The following PCDHA6 variants were observed in gnomAD, a reference collection of about 807,000 sequenced individuals.
PCDHA6 encodes protocadherin alpha 6.
In PCDHA6, 55 loss-of-function variants were observed where a neutral mutation model predicts 60.3. That is an observed-to-expected ratio of 0.91 (90% CI 0.73 to 1.14). The LOEUF is 1.14. PCDHA6 is among the 50% of genes most tolerant of loss of function. PCDHA6 has a pLI of 0.00. For missense variants in PCDHA6, 1,327 were observed against 1,256.5 expected (o/e 1.06, Z -0.85); for synonymous variants, 652 against 557.9 (o/e 1.17, Z -2.38).
chr5:140,871,710 C>T (rs1306052156), intron 1 of PCDHA6: 4 of 826,486 alleles, frequency 4.8e-6, no homozygotes, highest in East Asian at 2.8e-5. Flanking sequence ...AATAAATGTC[C>T]TATTTCTCTT....
In PCDHA6 at chr5:140,857,166, T is replaced by A. The variant is rs1554149611; in HGVS notation, c.2394+26681T>A. ...GGCACCGTCATTGCCCTAATCAGCG[T>A]TTCTGACCATGATTCAGGAGCCAAC... On this transcript the variant is annotated intron_variant, in intron 1 of 3. Transcript: ENST00000529310. 3.1e-6 allele frequency: 5 copies of A among 1,598,172 alleles called. No homozygotes were observed. The African/African-American group carries it at 5.4e-5, about 17-fold the overall frequency.
intron 3 of PCDHA6, among the ~76,000 whole-genome samples, chr5:141,000,226 G>A (rs2097897321): frequency 6.6e-6 from 1 of 151,546 alleles, no homozygotes; most frequent in Non-Finnish European, 1.5e-5. Context: ...TGCCTGTGTG[G>A]AGCTGAATGT....
rs192014288 is a variant in PCDHA6, at chr5:140,938,120, T to A, written c.2395-40829T>A. Among the ~76,000 whole-genome samples the A allele has an allele frequency of 2.0e-3, 311 of 152,258 alleles. 6 individuals are homozygous for A. In the East Asian group the frequency reaches 0.05, roughly 25 times the overall value. ...GTATTTTTTACTTTCTCTCTTTTTT[T>A]AAAAAAATAGAGATAGAGTCTCACT... On this transcript the variant is annotated intron_variant, in intron 1 of 3. Transcript: ENST00000529310.
chr5:140,932,346 A>G lies in PCDHA6; in HGVS notation c.2395-46603A>G, dbSNP rs529573484. 2.6e-5 allele frequency among the ~76,000 whole-genome samples: 4 copies of G among 152,072 alleles called. No homozygotes were observed. In the South Asian group the frequency reaches 6.2e-4, roughly 24 times the overall value. ...AGCAAAAATGCATGAAACACTTACCATACAACTGGCCTTATTAAATTTCCA... is the reference window on the plus strand; with the variant it reads ...AGCAAAAATGCATGAAACACTTACCGTACAACTGGCCTTATTAAATTTCCA... On this transcript the variant is annotated intron_variant, in intron 1 of 3. Coordinates refer to ENST00000529310, the MANE Select transcript of PCDHA6 (RefSeq NM_018909.4).
intron 1 of PCDHA6, among the ~76,000 whole-genome samples, chr5:140,919,585 G>A (rs2079204849): frequency 6.6e-6 from 1 of 151,898 alleles, no homozygotes; most frequent in African/African-American, 2.4e-5. Flanking sequence ...ATGTAACATG[G>A]TAATTTTTAA....
At chr5:140,841,264 T>C (rs1777117018) in intron 1 of PCDHA6, 1 of 1,522,190 alleles carries the variant, frequency 6.6e-7, no homozygotes, top group Admixed American at 2.2e-5. Context: ...ACTCTGAAAG[T>C]ACAGTCGTTC....
intron 1 of PCDHA6, among the ~76,000 whole-genome samples, chr5:140,873,335 T>C (rs192894155): frequency 6.6e-6 from 1 of 152,358 alleles, no homozygotes; most frequent in African/African-American, 2.4e-5. Flanking sequence ...CATACATTAC[T>C]CATCTCCAGA....
intron 1 of PCDHA6, chr5:140,854,677 A>G (rs1450428296): frequency 6.7e-6 from 1 of 150,054 alleles, no homozygotes; most frequent in African/African-American, 2.4e-5. Context: ...CATAAGACCA[A>G]TATGTCTGTT....
intron 1 of PCDHA6, among the ~76,000 whole-genome samples, chr5:140,954,197 G>T (rs2153701837): frequency 6.6e-6 from 1 of 152,270 alleles, no homozygotes; most frequent in Non-Finnish European, 1.5e-5. Context: ...ATGGGCATTT[G>T]GGTTGATCCC....
At chr5:140,870,848 G>A in intron 1 of PCDHA6, 1 of 1,613,876 alleles carries the variant, frequency 6.2e-7, no homozygotes, top group East Asian at 2.2e-5. Context: ...CTAGTACCGC[G>A]GTCGGTGGGT....
At chr5:140,841,756 C>G (rs1777468782) in intron 1 of PCDHA6, 4 of 1,613,854 alleles carry the variant, frequency 2.5e-6, no homozygotes, top group Non-Finnish European at 1.7e-6. Context: ...TTTCAGAATC[C>G]AGAATGCCAG....
At chr5:140,969,765 G>T (rs1445266469) in intron 1 of PCDHA6, among the ~76,000 whole-genome samples, 5 of 152,148 alleles carry the variant, frequency 3.3e-5, no homozygotes, top group Non-Finnish European at 7.3e-5. Flanking sequence ...AAGCTCTGAG[G>T]CCTCTAGGGG....
In PCDHA6 at chr5:140,927,251, A is replaced by G. The variant is rs782356440; in HGVS notation, c.2395-51698A>G. The G allele has an allele frequency of 7.4e-6, 12 of 1,613,434 alleles. No homozygotes were observed. The Admixed American group carries it at 1.2e-4, about 16-fold the overall frequency. On this transcript the variant is annotated intron_variant, in intron 1 of 3. Transcript: ENST00000529310. The stretch of plus-strand genomic sequence containing the variant: ...ATTCACGTCCTGGACACCAATGACA[A>G]CTCACCTCTCTTTCCTGCCGGCGAC...
At chr5:140,919,653 C>T (rs917457975) in intron 1 of PCDHA6, among the ~76,000 whole-genome samples, 1 of 152,158 alleles carries the variant, frequency 6.6e-6, no homozygotes, top group South Asian at 2.1e-4. Context: ...CTAGAGTTTA[C>T]CATATATATT....
chr5:140,837,715 C>T (rs894661038), intron 1 of PCDHA6, among the ~76,000 whole-genome samples: 4 of 151,402 alleles, frequency 2.6e-5, no homozygotes, highest in Admixed American at 1.3e-4. Context: ...ACTCCATCAC[C>T]CAGGCTGCTG....
chr5:140,983,807 G>T (rs1158459034), intron 3 of PCDHA6, among the ~76,000 whole-genome samples: 1 of 152,100 alleles, frequency 6.6e-6, no homozygotes, highest in African/African-American at 2.4e-5. Context: ...TGTGTAAAAG[G>T]TTTTTTCCCA....
intron 1 of PCDHA6, among the ~76,000 whole-genome samples, chr5:140,910,535 T>G (rs2153515129): frequency 6.6e-6 from 1 of 152,274 alleles, no homozygotes; most frequent in African/African-American, 2.4e-5. Flanking sequence ...CCCTCACAAA[T>G]CTATTTTGCA....
chr5:140,876,803 A>G lies in PCDHA6; in HGVS notation c.2394+46318A>G, dbSNP rs201565376. The G allele has an allele frequency of 1.6e-4, 261 of 1,614,140 alleles. 4 individuals are homozygous for G. In the East Asian group the frequency reaches 3.7e-3, roughly 23 times the overall value. On this transcript the variant is annotated intron_variant, in intron 1 of 3. Coordinates refer to ENST00000529310, the MANE Select transcript of PCDHA6 (RefSeq NM_018909.4). ...TGGGCCACGGCTAGAGTGTCCGTGG[A>G]GGTGGCCGACGTGAACGACAATGCG...
chr5:140,870,764 T>A, intron 1 of PCDHA6: 1 of 1,613,600 alleles, frequency 6.2e-7, no homozygotes, highest in Non-Finnish European at 8.5e-7. Flanking sequence ...CAGGTGTTCG[T>A]GCTGGACGAG....
Sources: gnomAD v4.1 joint callset for allele counts (sites outside exome capture counted in the v4.1 genomes callset) on GRCh38, gnomAD v4.1.1 for gene constraint, MANE v1.5 for transcripts, NCBI Gene and HGNC (gene_info 2026-07-23, HGNC 2026-07-21) for gene names.